The following LTBP1 variants were observed in gnomAD, a reference collection of about 807,000 sequenced individuals.
LTBP1 encodes latent transforming growth factor beta binding protein 1, also known as latent-transforming growth factor beta-binding protein 1.
LTBP1 carries 129 observed loss-of-function variants against 207.6 expected under a neutral mutation model. That is an observed-to-expected ratio of 0.62 (90% CI 0.54 to 0.72). The LOEUF is 0.72. Among genes scored for constraint, LTBP1 ranks in the 30% least tolerant of loss-of-function variants. LTBP1 has a pLI of 0.00. For synonymous variants in LTBP1, 963 were observed against 833.7 expected (o/e 1.16, Z -2.67); for missense variants, 2,281 against 2,217.2 (o/e 1.03, Z -0.58).
intron 3 of LTBP1, among the ~76,000 whole-genome samples, chr2:33,068,539 T>A (rs2077632954): frequency 6.6e-6 from 1 of 152,216 alleles, no homozygotes; most frequent in East Asian, 1.9e-4. Context: ...TATCTGCCAT[T>A]ACAGCATCCT....
At chr2:33,086,396 A>G (rs1167037088) in intron 3 of LTBP1, among the ~76,000 whole-genome samples, 1 of 152,230 alleles carries the variant, frequency 6.6e-6, no homozygotes, top group Non-Finnish European at 1.5e-5. Context: ...TCAGCGTAGC[A>G]TGACTTAACA....
At position 33,058,176 on chromosome 2, in the gene LTBP1, A is replaced by G. The variant is rs184827487; in HGVS notation, c.863+36970A>G. ...GTCTTTCTAAAACTCTTGTAGACTA[A>G]TAATAGCTATGATGAAGTATATAGA... On this transcript the variant is annotated intron_variant, in intron 3 of 33. Coordinates refer to ENST00000404816, the MANE Select transcript of LTBP1 (RefSeq NM_206943.4). 3.8e-3 allele frequency among the ~76,000 whole-genome samples: 574 copies of G among 152,358 alleles called. 4 individuals are homozygous for G. Among genetic ancestry groups the G allele is most frequent in the African/African-American group, 0.013 (552 of 41,586 alleles).
intron 31 of LTBP1, among the ~76,000 whole-genome samples, chr2:33,371,144 C>G (rs1278312231): frequency 2.0e-5 from 3 of 152,188 alleles, no homozygotes; most frequent in African/African-American, 7.2e-5. Flanking sequence ...AGAATTCATA[C>G]ATTTCTGGGG....
chr2:33,126,539 G>A (rs969941093), intron 4 of LTBP1, among the ~76,000 whole-genome samples: 1 of 152,240 alleles, frequency 6.6e-6, no homozygotes, highest in Non-Finnish European at 1.5e-5. Context: ...AAATGAGGAA[G>A]CTGAAAATGG....
At chr2:33,163,927 C>T (rs368070150) in intron 5 of LTBP1, among the ~76,000 whole-genome samples, 8 of 151,888 alleles carry the variant, frequency 5.3e-5, no homozygotes, top group Non-Finnish European at 1.2e-4. Context: ...AGTGCTCTAT[C>T]CAGAAAAGAT....
At chr2:33,242,786 CAAGTGATCAGACTTTTAATCTCT>C (rs1452643360) in intron 9 of LTBP1, among the ~76,000 whole-genome samples, 10 of 152,020 alleles carry the variant, frequency 6.6e-5, no homozygotes, top group Admixed American at 6.6e-4. Flanking sequence ...ATGACCCCTT[CAAGTGATCAGACTTTTAATCTCT>C]TCTCAACAAG....
intron 26 of LTBP1, among the ~76,000 whole-genome samples, chr2:33,353,613 T>C (rs1470747576): frequency 6.6e-6 from 1 of 152,170 alleles, no homozygotes; most frequent in Non-Finnish European, 1.5e-5. Context: ...TAATTTTTCA[T>C]TTTTTTAAAG....
At chr2:33,261,576 A>T (rs912650479) in intron 13 of LTBP1, among the ~76,000 whole-genome samples, 19 of 152,176 alleles carry the variant, frequency 1.2e-4, no homozygotes, top group African/African-American at 4.1e-4. Context: ...ACTGTTAAGA[A>T]AAAAGTGTCA....
intron 18 of LTBP1, among the ~76,000 whole-genome samples, chr2:33,279,250 C>A (rs1184089037): frequency 6.6e-6 from 1 of 152,186 alleles, no homozygotes; most frequent in South Asian, 2.1e-4. Context: ...GTTGAACTCT[C>A]TCTTATATCT....
At position 33,103,390 on chromosome 2, in the gene LTBP1, T is replaced by C. The variant is rs151266898; in HGVS notation, c.864-7192T>C. On this transcript the variant is annotated intron_variant, in intron 3 of 33. Transcript: ENST00000404816. Reference sequence around the variant, plus strand: ...ACATTGTCTGTACGCATAGTCTGTATGCTGTATGCATTGTCTGTATGCATA... The same window carrying C: ...ACATTGTCTGTACGCATAGTCTGTACGCTGTATGCATTGTCTGTATGCATA... Among the ~76,000 whole-genome samples the C allele has an allele frequency of 8.1e-3, 1,241 of 152,336 alleles. 11 individuals carry two copies. The highest frequency in any genetic ancestry group is 0.01 in the Middle Eastern group (3 of 294).
chr2:33,355,743 T>TTG, intron 26 of LTBP1, among the ~76,000 whole-genome samples: 1 of 152,140 alleles, frequency 6.6e-6, no homozygotes, highest in Middle Eastern at 3.4e-3. Context: ...CTCCAATCTC[T>TTG]TGTAATGCCT....
At chr2:33,128,162 G>A (rs1010423165) in intron 4 of LTBP1, among the ~76,000 whole-genome samples, 4 of 152,134 alleles carry the variant, frequency 2.6e-5, no homozygotes, top group African/African-American at 9.7e-5. Flanking sequence ...CTATCATTTA[G>A]TCAGACATGC....
intron 2 of LTBP1, among the ~76,000 whole-genome samples, chr2:32,962,776 C>G (rs1168091190): frequency 6.6e-6 from 1 of 152,260 alleles, no homozygotes; most frequent in Non-Finnish European, 1.5e-5. Context: ...CCTCGTGGCT[C>G]TCAAAGTATA....
At chr2:33,372,352 G>A (rs1156637667) in intron 31 of LTBP1, among the ~76,000 whole-genome samples, 1 of 152,170 alleles carries the variant, frequency 6.6e-6, no homozygotes, top group East Asian at 1.9e-4. Flanking sequence ...CACATTGTGT[G>A]CTAAAAGAAA....
chr2:32,996,642 T>C (rs1291760536), intron 2 of LTBP1, among the ~76,000 whole-genome samples: 1 of 152,158 alleles, frequency 6.6e-6, no homozygotes, highest in Admixed American at 6.5e-5. Context: ...AGCTTCACAA[T>C]AATATCTGCA....
At chr2:33,278,280 A>G (rs1050118557) in intron 18 of LTBP1, among the ~76,000 whole-genome samples, 1 of 152,232 alleles carries the variant, frequency 6.6e-6, no homozygotes, top group Non-Finnish European at 1.5e-5. Context: ...TATTCAATAT[A>G]TGAAAATTAT....
At chr2:33,364,863 G>A (rs2094965982) in intron 30 of LTBP1, among the ~76,000 whole-genome samples, 1 of 152,216 alleles carries the variant, frequency 6.6e-6, no homozygotes, top group Admixed American at 6.5e-5. Flanking sequence ...AGACTGCTTT[G>A]GATGAAGTCA....
chr2:33,103,293 C>A (rs1386395123), intron 3 of LTBP1, among the ~76,000 whole-genome samples: 1 of 149,696 alleles, frequency 6.7e-6, no homozygotes, highest in Non-Finnish European at 1.5e-5. Flanking sequence ...GCACTGTATG[C>A]ACAGTCTCTA....
chr2:33,273,244 TTC>T (rs1302322477), intron 15 of LTBP1, among the ~76,000 whole-genome samples: 13 of 152,146 alleles, frequency 8.5e-5, no homozygotes, highest in Non-Finnish European at 1.5e-4. Flanking sequence ...TACAATGTGT[TTC>T]TTATCAATAG....
Sources: gnomAD v4.1 joint callset for allele counts (sites outside exome capture counted in the v4.1 genomes callset) on GRCh38, gnomAD v4.1.1 for gene constraint, MANE v1.5 for transcripts, NCBI Gene and HGNC (gene_info 2026-07-23, HGNC 2026-07-21) for gene names.